Variants in CNTN5 observed in about 807,000 individuals in gnomAD.
The protein encoded by CNTN5 is contactin-5.
Under a neutral mutation model 129.1 loss-of-function variants are expected in CNTN5, and 77 were observed. That is an observed-to-expected ratio of 0.60 (90% CI 0.50 to 0.72). CNTN5 has a LOEUF of 0.72. Among genes scored for constraint, CNTN5 ranks in the 30% least tolerant of loss-of-function variants. The probability of loss-of-function intolerance (pLI) is 0.00; values close to 1 mark genes in which losing one functional copy is unlikely to be tolerated. For synonymous variants in CNTN5, 509 were observed against 465.6 expected, an observed-to-expected ratio of 1.09 and a Z score of -1.20; for missense variants, 1,478 against 1,328.8, an observed-to-expected ratio of 1.11 and a Z score of -1.75.
intron 1 of CNTN5, among the ~76,000 whole-genome samples, chr11:99,075,138 A>G (rs1185263632): frequency 1.3e-5 from 2 of 152,178 alleles, no homozygotes; most frequent in Non-Finnish European, 2.9e-5. Context: ...ATACATCAAT[A>G]CTCTGCAAAG....
chr11:100,071,233 T>C (rs1943909558), intron 11 of CNTN5, among the ~76,000 whole-genome samples: 1 of 152,078 alleles, frequency 6.6e-6, no homozygotes. Flanking sequence ...GGGAAGTGAG[T>C]GAAAATGGCA....
rs149222736 is a variant in CNTN5, at chr11:99,569,127, TC to T, written c.55+12859del. Reference sequence around the variant, plus strand: ...GTTTGAAGTGAAAATTTTTTATTTTTCAGCATTTGAATATTTTGCAATTATG... The same window carrying T: ...GTTTGAAGTGAAAATTTTTTATTTTTAGCATTTGAATATTTTGCAATTATG... On this transcript the variant is annotated intron_variant, in intron 3 of 24. Coordinates refer to ENST00000524871, the MANE Select transcript of CNTN5 (RefSeq NM_014361.4). Among the ~76,000 whole-genome samples the T allele has an allele frequency of 6.6e-4, 100 of 152,230 alleles. No homozygotes were observed. In the East Asian group the frequency reaches 0.019, roughly 29 times the overall value.
At chr11:99,507,392 A>G (rs926060131) in intron 2 of CNTN5, among the ~76,000 whole-genome samples, 5 of 151,438 alleles carry the variant, frequency 3.3e-5, no homozygotes, top group East Asian at 3.9e-4. Context: ...AAAAAAAAAA[A>G]AAAGAAAGGT....
At chr11:99,904,849 T>A (rs1160478936) in intron 6 of CNTN5, among the ~76,000 whole-genome samples, 2 of 152,198 alleles carry the variant, frequency 1.3e-5, no homozygotes, top group African/African-American at 4.8e-5. Context: ...TGGCATGAGA[T>A]GGTATCTCTT....
At chr11:99,261,206 T>C (rs181287333) in intron 1 of CNTN5, among the ~76,000 whole-genome samples, 33 of 151,954 alleles carry the variant, frequency 2.2e-4, no homozygotes, top group African/African-American at 7.9e-4. Flanking sequence ...ATAAGTCCCA[T>C]GAATATTGGT....
intron 6 of CNTN5, among the ~76,000 whole-genome samples, chr11:99,899,289 T>A (rs1308801495): frequency 1.3e-5 from 2 of 152,080 alleles, no homozygotes; most frequent in Non-Finnish European, 2.9e-5. Context: ...AAAGTAGCCA[T>A]CCTTGTCTTT....
chr11:99,439,055 C>T (rs190687067), intron 2 of CNTN5, among the ~76,000 whole-genome samples: 1 of 152,172 alleles, frequency 6.6e-6, no homozygotes, highest in East Asian at 1.9e-4. Context: ...TAATATGTGC[C>T]ATTTATCTTT....
chr11:99,972,250 G>T (rs1433885204), intron 8 of CNTN5, among the ~76,000 whole-genome samples: 1 of 152,038 alleles, frequency 6.6e-6, no homozygotes, highest in African/African-American at 2.4e-5. Context: ...GACAGGGCGA[G>T]ACTCTGTTTC....
intron 10 of CNTN5, among the ~76,000 whole-genome samples, chr11:100,065,404 C>T (rs1024382113): frequency 1.3e-5 from 2 of 151,826 alleles, no homozygotes; most frequent in Non-Finnish European, 2.9e-5. Flanking sequence ...ATAATGTCCA[C>T]TATGAAAAAT....
intron 1 of CNTN5, among the ~76,000 whole-genome samples, chr11:99,141,451 T>C (rs1859509755): frequency 1.3e-5 from 2 of 152,184 alleles, no homozygotes; most frequent in South Asian, 4.1e-4. Context: ...TCTTATTCAT[T>C]CAAAGAACGA....
intron 6 of CNTN5, among the ~76,000 whole-genome samples, chr11:99,906,580 TC>T (rs1267373966): frequency 4.6e-5 from 7 of 152,196 alleles, no homozygotes; most frequent in Non-Finnish European, 8.8e-5. Flanking sequence ...ACATTGATGT[TC>T]ATTAGGAATA....
chr11:99,985,113 C>A (rs774206111), intron 8 of CNTN5, among the ~76,000 whole-genome samples: 2 of 152,070 alleles, frequency 1.3e-5, no homozygotes, highest in African/African-American at 4.8e-5. Context: ...GCTTACTTAG[C>A]CCCTTGCCTC....
intron 3 of CNTN5, among the ~76,000 whole-genome samples, chr11:99,632,244 T>C (rs998426968): frequency 5.9e-5 from 9 of 151,592 alleles, no homozygotes; most frequent in Non-Finnish European, 1.2e-4. Context: ...TGTAGCTAAA[T>C]ATGTTAATTG....
chr11:100,316,992 C>A (rs185437043), intron 21 of CNTN5, among the ~76,000 whole-genome samples: 1 of 152,186 alleles, frequency 6.6e-6, no homozygotes, highest in Non-Finnish European at 1.5e-5. Flanking sequence ...GGGCTACGTG[C>A]AAGGTTCACA....
rs59702051 is a variant in CNTN5 at position 99,625,923 on chromosome 11, TACACAC to T, written c.55+69670_55+69675del. Among the ~76,000 whole-genome samples the T allele has an allele frequency of 4.2e-3, 118 of 28,206 alleles. 2 individuals are homozygous for T. The South Asian group carries it at 0.088, about 21-fold the overall frequency. 18.5% of individuals were successfully genotyped at this position (28,206 alleles called of 152,430 possible). On this transcript the variant is annotated intron_variant, in intron 3 of 24. Transcript: ENST00000524871. The stretch of plus-strand genomic sequence containing the variant: ...GATTATATATATATATATATATATA[TACACAC>T]ACACACACACACACATAAATCTAAT...
At chr11:99,418,663 G>A (rs1036692350) in intron 2 of CNTN5, among the ~76,000 whole-genome samples, 2 of 152,148 alleles carry the variant, frequency 1.3e-5, no homozygotes, top group African/African-American at 2.4e-5. Context: ...TCATTAAAAA[G>A]ACTTGTTTGG....
chr11:99,158,651 G>A (rs1860451776), intron 1 of CNTN5, among the ~76,000 whole-genome samples: 2 of 151,914 alleles, frequency 1.3e-5, no homozygotes, highest in Non-Finnish European at 2.9e-5. Context: ...CACATCATTG[G>A]GCAATAGGAG....
At chr11:100,289,533 GA>G (rs1204449925) in intron 18 of CNTN5, among the ~76,000 whole-genome samples, 3 of 152,236 alleles carry the variant, frequency 2.0e-5, no homozygotes, top group South Asian at 4.1e-4. Flanking sequence ...AATAGCAGCA[GA>G]AAAAGCCTTT....
chr11:99,132,166 A>G (rs558104324), intron 1 of CNTN5, among the ~76,000 whole-genome samples: 2 of 151,622 alleles, frequency 1.3e-5, no homozygotes, highest in Admixed American at 6.6e-5. Context: ...ATATCTCAAT[A>G]GACGCAGGAA....
Sources: gnomAD v4.1 joint callset for allele counts (sites outside exome capture counted in the v4.1 genomes callset) on GRCh38, gnomAD v4.1.1 for gene constraint, MANE v1.5 for transcripts, NCBI Gene and HGNC (gene_info 2026-07-23, HGNC 2026-07-21) for gene names.